Variants in QTMAN observed in about 807,000 individuals in gnomAD.
QTMAN encodes the protein queuosine-tRNA mannosyltransferase, also known as tRNA-queuosine alpha-mannosyltransferase.
the QTMAN span, among the ~76,000 whole-genome samples, chr2:144,204,290 A>G: frequency 2.0e-5 from 3 of 152,224 alleles, no homozygotes; most frequent in African/African-American, 2.4e-5. Flanking sequence ...GAACTCAAAC[A>G]AATTTACAAG....
chr2:144,214,535 A>G, the QTMAN span, among the ~76,000 whole-genome samples: 1 of 152,238 alleles, frequency 6.6e-6, no homozygotes, highest in East Asian at 1.9e-4. Flanking sequence ...TAGGAGACAT[A>G]CAGTCTAATA....
chr2:144,234,343 G>A, the QTMAN span, among the ~76,000 whole-genome samples: 1 of 152,048 alleles, frequency 6.6e-6, no homozygotes, highest in Non-Finnish European at 1.5e-5. Context: ...ATCTGAATCT[G>A]GTGACTAAAA....
chr2:143,958,449 G>A, the QTMAN span, among the ~76,000 whole-genome samples: 21 of 152,192 alleles, frequency 1.4e-4, no homozygotes, highest in Non-Finnish European at 2.2e-4. Context: ...GTATGCATGC[G>A]TGTAAAACCA....
At chr2:144,212,996 C>T in the QTMAN span, among the ~76,000 whole-genome samples, 1 of 152,032 alleles carries the variant, frequency 6.6e-6, no homozygotes, top group Admixed American at 6.6e-5. Flanking sequence ...AAATTGTCTA[C>T]CTTTTCAAAA....
the QTMAN span, among the ~76,000 whole-genome samples, chr2:144,068,647 T>C: frequency 6.6e-6 from 1 of 152,336 alleles, no homozygotes; most frequent in South Asian, 2.1e-4. Flanking sequence ...AAACAATCTT[T>C]TTTGTAATTG....
chr2:144,150,444 G>A, the QTMAN span, among the ~76,000 whole-genome samples: 1 of 151,794 alleles, frequency 6.6e-6, no homozygotes, highest in Admixed American at 6.6e-5. Context: ...TATGGCTATC[G>A]AGCACTTGAA....
the QTMAN span, among the ~76,000 whole-genome samples, chr2:144,017,774 G>A: frequency 1.3e-3 from 198 of 152,062 alleles, 2 homozygotes; most frequent in South Asian, 5.2e-3. Flanking sequence ...GCATTTAATC[G>A]TTACTAGAGA....
At chr2:144,286,232 A>T in the QTMAN span, among the ~76,000 whole-genome samples, 1 of 152,202 alleles carries the variant, frequency 6.6e-6, no homozygotes, top group African/African-American at 2.4e-5. Context: ...AATTATGCCA[A>T]ATGAACCCTT....
At chr2:144,102,380 G>A in the QTMAN span, among the ~76,000 whole-genome samples, 1 of 152,150 alleles carries the variant, frequency 6.6e-6, no homozygotes, top group Non-Finnish European at 1.5e-5. Context: ...GAGGCTTACA[G>A]GTATACTAGG....
At chr2:144,301,752 G>T in the QTMAN span, among the ~76,000 whole-genome samples, 7 of 152,144 alleles carry the variant, frequency 4.6e-5, no homozygotes, top group African/African-American at 1.7e-4. Flanking sequence ...AGTATTAAAC[G>T]CCAGGTTCCA....
At chr2:144,025,879 A>T in the QTMAN span, among the ~76,000 whole-genome samples, 1 of 152,214 alleles carries the variant, frequency 6.6e-6, no homozygotes, top group Non-Finnish European at 1.5e-5. Context: ...GAACAGATGT[A>T]TAAGTAACCG....
the QTMAN span, among the ~76,000 whole-genome samples, chr2:144,022,012 C>T: frequency 1.3e-5 from 2 of 151,578 alleles, no homozygotes; most frequent in Non-Finnish European, 2.9e-5. Context: ...AGTGTAGCCT[C>T]TGAGGAAGGT....
the QTMAN span, among the ~76,000 whole-genome samples, chr2:144,013,428 G>A: frequency 5.3e-5 from 8 of 152,174 alleles, no homozygotes; most frequent in Non-Finnish European, 4.4e-5. Context: ...CCAGATGGGC[G>A]GTGGCATATT....
chr2:144,087,194 G>A, the QTMAN span, among the ~76,000 whole-genome samples: 1 of 152,050 alleles, frequency 6.6e-6, no homozygotes, highest in Non-Finnish European at 1.5e-5. Context: ...GAAATACTAT[G>A]AACAGCTTTC....
the QTMAN span, chr2:144,007,470 G>A: frequency 6.2e-4 from 1,002 of 1,611,968 alleles, 10 homozygotes; most frequent in East Asian, 3.1e-4. Flanking sequence ...GGACAGAACC[G>A]CACCGCCATT....
the QTMAN span, among the ~76,000 whole-genome samples, chr2:143,990,066 A>G: frequency 1.3e-5 from 2 of 151,928 alleles, no homozygotes; most frequent in Non-Finnish European, 2.9e-5. Flanking sequence ...GCACATGGGT[A>G]TTTACTATGT....
the QTMAN span, among the ~76,000 whole-genome samples, chr2:144,114,685 T>TACAAAACAAAACAAAACAAA: frequency 1.2e-3 from 185 of 149,710 alleles, no homozygotes; most frequent in African/African-American, 1.7e-3. Context: ...GTGCCCACAC[T>TACAAAACAAAACAAAACAAA]ACAAAACAAA....
the QTMAN span, among the ~76,000 whole-genome samples, chr2:144,282,459 T>C: frequency 4.0e-5 from 6 of 151,000 alleles, no homozygotes. Flanking sequence ...GAGGGATAGG[T>C]ACAGATATCA....
the QTMAN span, among the ~76,000 whole-genome samples, chr2:143,997,839 C>G: frequency 6.6e-6 from 1 of 152,060 alleles, no homozygotes; most frequent in East Asian, 1.9e-4. Flanking sequence ...TTGTATTTTA[C>G]CCATGCTACC....
Sources: gnomAD v4.1 joint callset for allele counts (sites outside exome capture counted in the v4.1 genomes callset) on GRCh38, gnomAD v4.1.1 for gene constraint, MANE v1.5 for transcripts, NCBI Gene and HGNC (gene_info 2026-07-23, HGNC 2026-07-21) for gene names.